Variants in UGT2B11 observed in about 807,000 individuals in gnomAD.
UGT2B11 encodes UDP glucuronosyltransferase family 2 member B11.
UGT2B11 carries 49 observed loss-of-function variants against 51.7 expected under a neutral mutation model. The ratio of observed to expected loss-of-function variants is 0.95; its 90% CI spans 0.75 to 1.20. The LOEUF (loss-of-function observed/expected upper bound fraction) is 1.20. UGT2B11 is among the 50% of genes most tolerant of loss of function. The pLI is 0.00. For synonymous variants in UGT2B11, 273 were observed against 209.0 expected (o/e 1.31, Z -2.64); for missense variants, 810 against 622.1 (o/e 1.30, Z -3.21).
chr4:69,222,608 C>T, the UGT2B11 span, among the ~76,000 whole-genome samples: 1 of 152,220 alleles, frequency 6.6e-6, no homozygotes, highest in Non-Finnish European at 1.5e-5. Context: ...TACCAGGCTG[C>T]TGCTAAAGCT....
Position 69,200,329 on chromosome 4 carries a change from TTTTTTG to T in UGT2B11, c.*105_*110del. On this transcript the variant is annotated 3_prime_UTR_variant, in exon 6 of 6. Coordinates refer to ENST00000446444, the MANE Select transcript of UGT2B11 (RefSeq NM_001073.3). ...ATTTGAAAATTTTTTTTTTTTTTTT[TTTTTTG>T]TCACAGGAAGAAAGAAATCTTGCAT... is the stretch of plus-strand genomic sequence containing the variant. The T allele has an allele frequency of 1.7e-6, 2 of 1,180,576 alleles. No individual in the cohort carries two copies. The highest frequency in any genetic ancestry group is 1.1e-6 in the Non-Finnish European group (1 of 934,126). The allele number at this position is 1,180,576 out of a possible 1,614,324, so 73.1% of individuals were successfully genotyped here.
In UGT2B11 at chr4:69,214,737, A is replaced by T; in HGVS notation, c.-15T>A. On this transcript the variant is annotated 5_prime_UTR_variant, in exon 1 of 6. Coordinates refer to ENST00000446444, the MANE Select transcript of UGT2B11 (RefSeq NM_001073.3). ...TTCAGAGTCATCCTGGTGCAATGCG[A>T]TCATTCTTTTCCAGTCACTGTTTCT... The T allele has an allele frequency of 6.2e-7, 1 of 1,607,272 alleles. No homozygotes were observed. The highest frequency in any genetic ancestry group is 8.5e-7 in the Non-Finnish European group (1 of 1,176,628).
intron 1 of UGT2B11, among the ~76,000 whole-genome samples, chr4:69,213,437 T>A (rs899824575): frequency 6.6e-6 from 1 of 151,766 alleles, no homozygotes; most frequent in Non-Finnish European, 1.5e-5. Context: ...TGATTTCCAA[T>A]TCTTTAGTTA....
rs1722112650 is a variant in UGT2B11, at chr4:69,212,602, G to A, written c.841C>T (p.His281Tyr). ...GGTAGGGGTTTGGCAGGTTTGCAGT[G>A]GAATCCTCCAACAAAATCAACGTTT... Reference protein sequence around the residue: ...LPNVDFVGGFHCKPAKPLPKE... With the variant: ...LPNVDFVGGFYCKPAKPLPKE... The change falls in exon 2 of 6, where the codon CAC (histidine) becomes TAC (tyrosine). Residue 281 changes from histidine to tyrosine, a missense_variant. His to Tyr is a moderately conservative substitution (Grantham distance 83, BLOSUM62 2). Transcript: ENST00000446444. 1.9e-6 allele frequency: 3 copies of A among 1,608,046 alleles called. No individual in the cohort carries two copies. Among genetic ancestry groups the A allele is most frequent in the African/African-American group, 2.7e-5 (2 of 74,324 alleles).
intron 4 of UGT2B11, 133 bp from the exon 5 acceptor site, chr4:69,204,782 G>A (rs1206402755): frequency 1.4e-6 from 2 of 1,387,644 alleles, no homozygotes; most frequent in Non-Finnish European, 9.9e-7. Context: ...GACTTCAGAT[G>A]AAAAAGCACG....
chr4:69,212,558 CA>C lies in UGT2B11; in HGVS notation c.870+14del. 4.4e-6 allele frequency: 7 copies of C among 1,597,822 alleles called. No individual in the cohort carries two copies. Among genetic ancestry groups the C allele is most frequent in the Non-Finnish European group, 6.0e-6 (7 of 1,173,986 alleles). The stretch of plus-strand genomic sequence containing the variant: ...TTCGAAGCCAACAAAATAAAACCAA[CA>C]AAAGTATGTTTACCTTAGGTAGGGG... On this transcript the variant is annotated intron_variant, in intron 2 of 5. Transcript: ENST00000446444.
upstream of UGT2B11, among the ~76,000 whole-genome samples, chr4:69,217,971 G>T (rs1456440348): frequency 6.6e-6 from 1 of 152,040 alleles, no homozygotes; most frequent in African/African-American, 2.4e-5. Context: ...CACTAATGAG[G>T]ACTCTGCCTT....
chr4:69,208,328 A>C, intron 3 of UGT2B11, 23 bp downstream of exon 3: 1 of 1,608,014 alleles, frequency 6.2e-7, no homozygotes, highest in Non-Finnish European at 8.5e-7. Context: ...AGTTTTCCAC[A>C]CCAGTAAGGC....
intron 2 of UGT2B11, among the ~76,000 whole-genome samples, chr4:69,209,591 A>C (rs1326496207): frequency 1.3e-5 from 2 of 151,752 alleles, no homozygotes; most frequent in Non-Finnish European, 3.0e-5. Context: ...AAAACGTCTA[A>C]ATGTAAACAG....
chr4:69,214,678 A>G lies in UGT2B11; in HGVS notation c.45T>C (p.Ser15=). The G allele has an allele frequency of 6.2e-7, 1 of 1,612,936 alleles. No individual in the cohort carries two copies. The highest frequency in any genetic ancestry group is 1.7e-5 in the Admixed American group (1 of 59,932). The change falls in exon 1 of 6, where the codon AGT becomes AGC. Residue 15 remains serine (S), a synonymous_variant. Coordinates refer to ENST00000446444, the MANE Select transcript of UGT2B11 (RefSeq NM_001073.3). ...CACAACTCCCAGAGCTAAAGTAACA[A>G]CTGAGATGTATCAGCAGAAGAACTG... ...WTSVLLLIHL[S]CYFSSGSCGK... is the part of the protein sequence containing the mutation.
chr4:69,217,431 A>T (rs941773744), upstream of UGT2B11, among the ~76,000 whole-genome samples: 1 of 152,156 alleles, frequency 6.6e-6, no homozygotes, highest in Non-Finnish European at 1.5e-5. Context: ...AATATTGTTC[A>T]ATATTTTTAA....
At chr4:69,222,442 G>A in the UGT2B11 span, among the ~76,000 whole-genome samples, 2 of 152,146 alleles carry the variant, frequency 1.3e-5, no homozygotes, top group Non-Finnish European at 2.9e-5. Context: ...TAAAATGCAA[G>A]TTTGCAAATG....
At chr4:69,209,599 C>T (rs1319778684) in intron 2 of UGT2B11, among the ~76,000 whole-genome samples, 2 of 151,672 alleles carry the variant, frequency 1.3e-5, no homozygotes, top group African/African-American at 4.8e-5. Flanking sequence ...TAAATGTAAA[C>T]AGTGCATCAC....
chr4:69,222,837 A>T, the UGT2B11 span, among the ~76,000 whole-genome samples: 40 of 152,308 alleles, frequency 2.6e-4, no homozygotes, highest in African/African-American at 9.4e-4. Context: ...CTTATAAGGG[A>T]CATAGTTTGG....
the UGT2B11 span, among the ~76,000 whole-genome samples, chr4:69,223,769 AG>A: frequency 6.6e-6 from 1 of 152,164 alleles, no homozygotes; most frequent in African/African-American, 2.4e-5. Flanking sequence ...CCATCAAAGG[AG>A]TAAGCCCCTC....
chr4:69,210,319 G>A (rs1396149115), intron 2 of UGT2B11, among the ~76,000 whole-genome samples: 2 of 151,264 alleles, frequency 1.3e-5, no homozygotes, highest in Admixed American at 1.3e-4. Flanking sequence ...ATGATTTCAC[G>A]TGAATATATT....
intron 5 of UGT2B11, among the ~76,000 whole-genome samples, chr4:69,203,242 A>G (rs1721725120): frequency 6.6e-6 from 1 of 151,752 alleles, no homozygotes. Flanking sequence ...ATGAATGGTC[A>G]ACAATCACAT....
chr4:69,210,205 C>G (rs980107669), intron 2 of UGT2B11, among the ~76,000 whole-genome samples: 3 of 151,504 alleles, frequency 2.0e-5, no homozygotes, highest in Admixed American at 6.6e-5. Context: ...CTATTGTATG[C>G]ACATACATTT....
rs567506006 is a variant in UGT2B11 at position 69,214,584 on chromosome 4, C to T, written c.139G>A (p.Val47Ile). The T allele has an allele frequency of 4.0e-5, 65 of 1,613,274 alleles. 1 individual carries two copies. In the South Asian group the frequency reaches 4.5e-4, roughly 11 times the overall value. The change falls in exon 1 of 6, where the codon GTT becomes ATT. Residue 47 changes from valine (V) to isoleucine (I), a missense_variant. Physicochemically the swap from Val to Ile is conservative, Grantham distance 29. Transcript: ENST00000446444. ...ACAGTCACCTCATGACCTCTCTGAA[C>T]AAGCTCTTTCAGGATTGTCTTCATA... Reference protein sequence around the residue: ...MNMKTILKELVQRGHEVTVLA... With the variant: ...MNMKTILKELIQRGHEVTVLA...
Sources: allele counts gnomAD v4.1 joint callset (sites outside exome capture counted in the v4.1 genomes callset), GRCh38; gene constraint gnomAD v4.1.1; transcripts MANE v1.5; gene names NCBI Gene and HGNC (gene_info 2026-07-23, HGNC 2026-07-21).